SIPA1L1: variants seen among roughly 807,000 people sequenced by gnomAD.
SIPA1L1 encodes the protein signal-induced proliferation-associated 1-like protein 1.
A neutral mutation model predicts 162.7 loss-of-function variants in SIPA1L1; 26 were observed. That is an observed-to-expected ratio of 0.16 (90% CI 0.12 to 0.22). SIPA1L1 has a LOEUF of 0.22. SIPA1L1 is among the 10% of genes least tolerant of loss of function. The pLI is 1.00. For synonymous variants in SIPA1L1, 829 were observed against 837.4 expected (o/e 0.99, Z 0.17); for missense variants, 1,874 against 2,241.0 (o/e 0.84, Z 3.31).
rs1470665233 is a variant in SIPA1L1, at chr14:71,740,765, G to A, written c.*1604G>A. ...AAATAGGAAGATTTCGGAGTGCTTT[G>A]TGAAGATTTCAATTGTCTGTCTCTT... On this transcript the variant is annotated 3_prime_UTR_variant, in exon 24 of 24. Transcript: ENST00000381232. 1 of 152,066 alleles carries A rather than the reference G, an allele frequency of 6.6e-6. No homozygotes were observed. The highest frequency in any genetic ancestry group is 1.5e-5 in the Non-Finnish European group (1 of 68,012). 9.4% of individuals were successfully genotyped at this position (152,066 alleles called of 1,614,324 possible).
chr14:71,491,475 A>G (rs748121456), intron 2 of SIPA1L1, among the ~76,000 whole-genome samples: 1 of 152,166 alleles, frequency 6.6e-6, no homozygotes, highest in Non-Finnish European at 1.5e-5. Context: ...AACTGTAATC[A>G]GTGCTCTAGA....
At chr14:71,350,728 A>G (rs1006230019) in intron 2 of SIPA1L1, among the ~76,000 whole-genome samples, 5 of 152,210 alleles carry the variant, frequency 3.3e-5, no homozygotes, top group African/African-American at 1.2e-4. Context: ...GACTAAAATA[A>G]GTCATTCTGT....
At chr14:71,590,044 A>AAATAT (rs1555468763) in intron 5 of SIPA1L1, among the ~76,000 whole-genome samples, 1 of 59,582 alleles carries the variant, frequency 1.7e-5, no homozygotes. Context: ...AAAAAAAAAA[A>AAATAT]ATATATATAT....
At chr14:71,626,445 A>G (rs2039995784) in intron 7 of SIPA1L1, among the ~76,000 whole-genome samples, 1 of 152,228 alleles carries the variant, frequency 6.6e-6, no homozygotes, top group Non-Finnish European at 1.5e-5. Flanking sequence ...GAGATAAAGC[A>G]GACGACATGC....
chr14:71,461,164 C>T (rs1049542158), intron 2 of SIPA1L1, among the ~76,000 whole-genome samples: 1 of 152,176 alleles, frequency 6.6e-6, no homozygotes, highest in African/African-American at 2.4e-5. Context: ...GAGGATGAAC[C>T]TCTGCCCTTT....
intron 20 of SIPA1L1, among the ~76,000 whole-genome samples, chr14:71,730,557 T>G (rs747970778): frequency 6.6e-6 from 1 of 152,166 alleles, no homozygotes; most frequent in Non-Finnish European, 1.5e-5. Context: ...AAAAGAATAG[T>G]CTGGGAATTG....
intron 4 of SIPA1L1, among the ~76,000 whole-genome samples, chr14:71,581,515 G>A (rs2033924029): frequency 6.6e-6 from 1 of 152,166 alleles, no homozygotes; most frequent in East Asian, 1.9e-4. Flanking sequence ...GTTGTCCCGG[G>A]GCATCTATTT....
At chr14:71,393,123 A>C (rs955970548) in intron 2 of SIPA1L1, among the ~76,000 whole-genome samples, 1 of 152,208 alleles carries the variant, frequency 6.6e-6, no homozygotes, top group Admixed American at 6.5e-5. Flanking sequence ...CCCTTATTAA[A>C]TATTCCAATA....
At chr14:71,414,894 G>T (rs998308560) in intron 2 of SIPA1L1, among the ~76,000 whole-genome samples, 7 of 151,992 alleles carry the variant, frequency 4.6e-5, no homozygotes, top group African/African-American at 1.7e-4. Flanking sequence ...ATTACAAAAG[G>T]ATATTCTTTT....
At chr14:71,332,027 A>G (rs1411198888) in intron 2 of SIPA1L1, among the ~76,000 whole-genome samples, 2 of 152,172 alleles carry the variant, frequency 1.3e-5, no homozygotes, top group African/African-American at 4.8e-5. Context: ...ATTTTGGTTG[A>G]GTATATTATT....
intron 2 of SIPA1L1, among the ~76,000 whole-genome samples, chr14:71,393,984 C>T (rs2040979951): frequency 6.6e-6 from 1 of 152,198 alleles, no homozygotes; most frequent in African/African-American, 2.4e-5. Flanking sequence ...GGTAAATTTT[C>T]AGGCAGACAA....
At chr14:71,592,914 C>T (rs1178272034) in intron 5 of SIPA1L1, among the ~76,000 whole-genome samples, 1 of 152,128 alleles carries the variant, frequency 6.6e-6, no homozygotes, top group Non-Finnish European at 1.5e-5. Flanking sequence ...TTCTCATGCC[C>T]ACTTCTCTTT....
chr14:71,484,460 A>C (rs1328291310), intron 2 of SIPA1L1, among the ~76,000 whole-genome samples: 2 of 152,130 alleles, frequency 1.3e-5, no homozygotes, highest in African/African-American at 4.8e-5. Flanking sequence ...GGTTCTTTAT[A>C]TATATTAGCA....
intron 20 of SIPA1L1, among the ~76,000 whole-genome samples, chr14:71,731,917 G>A (rs1566756991): frequency 6.6e-6 from 1 of 152,186 alleles, no homozygotes; most frequent in Admixed American, 6.5e-5. Context: ...TGCCTTGCTT[G>A]GTGACTTCCA....
At chr14:71,366,378 CTGTAGTATAAACAT>C (rs2038295669) in intron 2 of SIPA1L1, among the ~76,000 whole-genome samples, 1 of 152,056 alleles carries the variant, frequency 6.6e-6, no homozygotes, top group Non-Finnish European at 1.5e-5. Flanking sequence ...TTTGGAGGTG[CTGTAGTATAAACAT>C]TGAATTTAGA....
Position 71,557,598 on chromosome 14 carries a change from ATT to A in SIPA1L1, c.-303+28230_-303+28231del, listed in dbSNP as rs1356123632. Among the ~76,000 whole-genome samples the A allele has an allele frequency of 2.6e-5, 4 of 152,216 alleles. No homozygotes were observed. In the East Asian group the frequency reaches 7.7e-4, roughly 29 times the overall value. On this transcript the variant is annotated intron_variant, in intron 4 of 23. Transcript: ENST00000381232. ...CTGTGTTAATCTGTGGTTCTGTTAC[ATT>A]TGGATCGTTGCGAAAGTACCTTATT...
intron 7 of SIPA1L1, among the ~76,000 whole-genome samples, chr14:71,634,454 T>C (rs2040918757): frequency 7.0e-6 from 1 of 142,500 alleles, no homozygotes; most frequent in Non-Finnish European, 1.5e-5. Context: ...GAATCACAGA[T>C]TTTTTTTTTT....
chr14:71,547,128 G>T (rs552914068), intron 4 of SIPA1L1, among the ~76,000 whole-genome samples: 1 of 151,516 alleles, frequency 6.6e-6, no homozygotes, highest in Admixed American at 6.6e-5. Context: ...GTAGTAACTT[G>T]TTTGTCCTGA....
At chr14:71,406,837 T>C (rs1301459887) in intron 2 of SIPA1L1, among the ~76,000 whole-genome samples, 1 of 152,250 alleles carries the variant, frequency 6.6e-6, no homozygotes, top group Non-Finnish European at 1.5e-5. Context: ...AACAAGTGCC[T>C]GTGGATGAAT....
Sources: allele counts gnomAD v4.1 joint callset (sites outside exome capture counted in the v4.1 genomes callset), GRCh38; gene constraint gnomAD v4.1.1; transcripts MANE v1.5; gene names NCBI Gene and HGNC (gene_info 2026-07-23, HGNC 2026-07-21).